Variants in RHBDD1 observed in about 807,000 individuals in gnomAD.
RHBDD1 encodes rhomboid domain containing 1.
In RHBDD1, 38 loss-of-function variants were observed where a neutral mutation model predicts 36.3. The observed-to-expected ratio is 1.05, with a 90% confidence interval of 0.81 to 1.37. The LOEUF (loss-of-function observed/expected upper bound fraction) is 1.37. Among genes scored for constraint, RHBDD1 ranks in the 40% most tolerant of loss-of-function variants. The pLI is 0.00. For synonymous variants in RHBDD1, 151 were observed against 136.5 expected (o/e 1.11, Z -0.74); for missense variants, 393 against 377.6 (o/e 1.04, Z -0.34).
intron 6 of RHBDD1, 32 bp from the exon 7 acceptor site, chr2:226,908,790 G>C (rs368892520): frequency 6.7e-7 from 1 of 1,491,644 alleles, no homozygotes; most frequent in South Asian, 1.1e-5. Flanking sequence ...CTTTATGGCT[G>C]CCATTAAAAT....
chr2:226,832,475 T>C (rs536919520), upstream of RHBDD1, among the ~76,000 whole-genome samples: 1 of 152,268 alleles, frequency 6.6e-6, no homozygotes, highest in African/African-American at 2.4e-5. Flanking sequence ...TCTGTACATG[T>C]TGGTTAGGTT....
intron 8 of RHBDD1, among the ~76,000 whole-genome samples, chr2:226,989,463 C>T (rs918004698): frequency 7.9e-5 from 12 of 152,164 alleles, no homozygotes; most frequent in African/African-American, 2.4e-4. Context: ...ATCCTCATAT[C>T]TTGATCTGGA....
rs983288173 is a variant in RHBDD1 at position 226,908,638 on chromosome 2, G to C, written c.656-184G>C. The C allele has an allele frequency of 7.2e-4, 408 of 563,300 alleles. 7 individuals are homozygous for C. In the South Asian group the frequency reaches 8.7e-3, roughly 12 times the overall value. 34.9% of individuals were successfully genotyped at this position (563,300 alleles called of 1,614,324 possible). On this transcript the variant is annotated intron_variant, in intron 6 of 8. Transcript: ENST00000392062. ...ACACACACATTCTTTTCCCTGTAGG[G>C]ACACACACACACTCTTTTCCAGTTA...
the RHBDD1 span, among the ~76,000 whole-genome samples, chr2:226,814,741 T>C: frequency 1.3e-5 from 2 of 152,234 alleles, no homozygotes; most frequent in African/African-American, 4.8e-5. Context: ...ATTTTAATCC[T>C]GAGCAACGGG....
At chr2:226,890,773 A>G (rs879620350) in intron 5 of RHBDD1, among the ~76,000 whole-genome samples, 1 of 152,210 alleles carries the variant, frequency 6.6e-6, no homozygotes, top group Non-Finnish European at 1.5e-5. Context: ...AATATTTCAT[A>G]TATTCCATAA....
Position 226,996,431 on chromosome 2 carries a change from C to A in RHBDD1, c.*909C>A, listed in dbSNP as rs1959298535. On this transcript the variant is annotated 3_prime_UTR_variant, in exon 9 of 9. Transcript: ENST00000392062. The stretch of plus-strand genomic sequence containing the variant: ...TCCTAGCCAAATGTCCAAAACACGC[C>A]CTTGGGCCCCGCCACGTTACAATCC... 1 of 152,206 alleles carries A rather than the reference C, an allele frequency of 6.6e-6. No individual in the cohort carries two copies. The highest frequency in any genetic ancestry group is 1.5e-5 in the Non-Finnish European group (1 of 68,032). 9.4% of individuals were successfully genotyped at this position (152,206 alleles called of 1,614,324 possible). A position where few individuals can be genotyped will look rare whatever the true frequency, so the allele number is the denominator to read the frequency against.
intron 3 of RHBDD1, among the ~76,000 whole-genome samples, chr2:226,852,904 A>ATTATTG (rs751436984): frequency 0.12 from 13,167 of 108,546 alleles, 766 homozygotes; most frequent in African/African-American, 0.28. Flanking sequence ...TGGCTAATTT[A>ATTATTG]TTATTATTAT....
At chr2:226,983,365 TG>T (rs1956216848) in intron 8 of RHBDD1, among the ~76,000 whole-genome samples, 2 of 152,244 alleles carry the variant, frequency 1.3e-5, no homozygotes. Context: ...ACGGAAGTAT[TG>T]GGTAGCTGTG....
At chr2:226,954,083 C>A (rs1951617782) in intron 8 of RHBDD1, among the ~76,000 whole-genome samples, 1 of 152,140 alleles carries the variant, frequency 6.6e-6, no homozygotes, top group South Asian at 2.1e-4. Flanking sequence ...TGATCGAATA[C>A]CTGCCATGTT....
At chr2:226,802,721 G>A in the RHBDD1 span, among the ~76,000 whole-genome samples, 2 of 152,176 alleles carry the variant, frequency 1.3e-5, no homozygotes, top group Non-Finnish European at 2.9e-5. Flanking sequence ...AGTTAGAGCC[G>A]ATTTGTGTAA....
rs1349405001 is a variant in RHBDD1 at position 226,904,426 on chromosome 2, G to GGC, written c.567-2366_567-2365insCG. Among the ~76,000 whole-genome samples, 44 of 148,190 alleles carry GGC rather than the reference G, an allele frequency of 3.0e-4. 8 individuals are homozygous for GGC. Among genetic ancestry groups the GGC allele is most frequent in the Non-Finnish European group, 4.3e-4 (29 of 67,140 alleles). ...CACATCCTGCAAGCGGGGGGGGAGG[G>GGC]GGGTCAGGGAACTCCTGTTTCAGTA... On this transcript the variant is annotated intron_variant, in intron 5 of 8. Transcript: ENST00000392062.
intron 5 of RHBDD1, among the ~76,000 whole-genome samples, chr2:226,872,787 C>T (rs555865379): frequency 2.0e-4 from 31 of 152,248 alleles, no homozygotes; most frequent in African/African-American, 7.5e-4. Context: ...CAAAGTCCTA[C>T]TGATTATTTG....
the RHBDD1 span, among the ~76,000 whole-genome samples, chr2:226,829,995 C>T: frequency 6.6e-6 from 1 of 151,094 alleles, no homozygotes; most frequent in Non-Finnish European, 1.5e-5. Flanking sequence ...TTTATAGATG[C>T]CCTTTATTAT....
At position 226,912,753 on chromosome 2, in the gene RHBDD1, G is replaced by A. The variant is rs116637369; in HGVS notation, c.713-1455G>A. 5.8e-3 allele frequency among the ~76,000 whole-genome samples: 885 copies of A among 152,058 alleles called. 6 individuals are homozygous for A. Among genetic ancestry groups the A allele is most frequent in the Non-Finnish European group, 9.8e-3 (667 of 67,904 alleles). The stretch of plus-strand genomic sequence containing the variant: ...CTAAAGAGTACAGATTTCTTTTTGG[G>A]GATGATGAAAATGTCCAAAATTGAT... On this transcript the variant is annotated intron_variant, in intron 7 of 8. Coordinates refer to ENST00000392062, the MANE Select transcript of RHBDD1 (RefSeq NM_001167608.3).
intron 3 of RHBDD1, among the ~76,000 whole-genome samples, chr2:226,850,653 C>G (rs1242414856): frequency 1.3e-5 from 2 of 152,084 alleles, no homozygotes; most frequent in Admixed American, 1.3e-4. Flanking sequence ...ACACTATCCC[C>G]CTTTCCAGAA....
At chr2:226,989,736 TG>T (rs1957761020) in intron 8 of RHBDD1, among the ~76,000 whole-genome samples, 1 of 152,224 alleles carries the variant, frequency 6.6e-6, no homozygotes, top group Admixed American at 6.5e-5. Flanking sequence ...TATGGCCTGT[TG>T]ATTTTAAGTC....
chr2:226,886,840 T>A (rs1416665564), intron 5 of RHBDD1, among the ~76,000 whole-genome samples: 5 of 152,018 alleles, frequency 3.3e-5, no homozygotes, highest in Admixed American at 3.3e-4. Flanking sequence ...TACCAAAAAA[T>A]TTTAAAGAGT....
At chr2:226,955,019 G>T (rs575941936) in intron 8 of RHBDD1, among the ~76,000 whole-genome samples, 1 of 152,048 alleles carries the variant, frequency 6.6e-6, no homozygotes, top group South Asian at 2.1e-4. Context: ...GTGCTTGAGG[G>T]TACTGAAAGC....
At chr2:226,862,347 T>C (rs1189441762) in intron 3 of RHBDD1, among the ~76,000 whole-genome samples, 1 of 150,778 alleles carries the variant, frequency 6.6e-6, no homozygotes, top group Non-Finnish European at 1.5e-5. Context: ...GATAGGAGAA[T>C]CCTGCCTTTT....
Sources: allele counts gnomAD v4.1 joint callset (sites outside exome capture counted in the v4.1 genomes callset), GRCh38; gene constraint gnomAD v4.1.1; transcripts MANE v1.5; gene names NCBI Gene and HGNC (gene_info 2026-07-23, HGNC 2026-07-21).